DPP10: variants seen among roughly 807,000 people sequenced by gnomAD.
DPP10 encodes inactive dipeptidyl peptidase 10.
In DPP10, 33 loss-of-function variants were observed where a neutral mutation model predicts 120.9. The observed-to-expected ratio is 0.27, with a 90% CI of 0.21 to 0.37. The LOEUF is 0.37. Among genes scored for constraint, DPP10 ranks in the 10% least tolerant of loss-of-function variants. The probability of loss-of-function intolerance (pLI) is 1.00; values close to 1 mark genes in which losing one functional copy is unlikely to be tolerated. For synonymous variants in DPP10, 337 were observed against 326.1 expected (o/e 1.03, Z -0.36); for missense variants, 816 against 942.8 (o/e 0.87, Z 1.76).
intron 7 of DPP10, among the ~76,000 whole-genome samples, chr2:115,697,139 CAAAT>C (rs1181922899): frequency 4.6e-5 from 7 of 151,462 alleles, no homozygotes; most frequent in African/African-American, 1.5e-4. Context: ...AAATTAAACT[CAAAT>C]AAGACAGTAA....
intron 3 of DPP10, among the ~76,000 whole-genome samples, chr2:115,455,614 C>G (rs1308218196): frequency 6.6e-6 from 1 of 152,064 alleles, no homozygotes; most frequent in Non-Finnish European, 1.5e-5. Context: ...GGTACCAAAA[C>G]AGATATATAG....
intron 1 of DPP10, among the ~76,000 whole-genome samples, chr2:114,932,661 G>C (rs1047762036): frequency 9.2e-5 from 14 of 152,154 alleles, no homozygotes; most frequent in Admixed American, 9.2e-4. Context: ...ATGGGTGGCT[G>C]TATTGACTGG....
chr2:114,648,248 A>G (rs1573879275), intron 1 of DPP10, among the ~76,000 whole-genome samples: 1 of 152,200 alleles, frequency 6.6e-6, no homozygotes, highest in Admixed American at 6.5e-5. Flanking sequence ...GTTCTCCTTA[A>G]TAAAGTTCAT....
At chr2:115,232,365 A>G (rs566767991) in intron 1 of DPP10, among the ~76,000 whole-genome samples, 39 of 152,312 alleles carry the variant, frequency 2.6e-4, no homozygotes, top group African/African-American at 8.9e-4. Context: ...TATGATACAT[A>G]AAAGCTGGGT....
intron 19 of DPP10, among the ~76,000 whole-genome samples, chr2:115,803,833 A>T (rs1685570075): frequency 6.6e-6 from 1 of 152,096 alleles, no homozygotes; most frequent in African/African-American, 2.4e-5. Context: ...TTTGTGGGTA[A>T]CCCGACCTTT....
At chr2:115,550,412 G>T (rs775422118) in intron 5 of DPP10, among the ~76,000 whole-genome samples, 18 of 152,048 alleles carry the variant, frequency 1.2e-4, no homozygotes, top group Non-Finnish European at 2.4e-4. Flanking sequence ...CAGAATGACA[G>T]CTATAATGAA....
intron 5 of DPP10, among the ~76,000 whole-genome samples, chr2:115,687,649 A>G (rs1357974621): frequency 7.7e-6 from 1 of 129,966 alleles, no homozygotes; most frequent in African/African-American, 2.5e-5. Flanking sequence ...CAATATTGTT[A>G]TCAGGCTAAG....
intron 1 of DPP10, among the ~76,000 whole-genome samples, chr2:114,914,434 A>G (rs1694621398): frequency 6.6e-6 from 1 of 152,224 alleles, no homozygotes; most frequent in South Asian, 2.1e-4. Context: ...ATCCCAAACA[A>G]GAATTTTTTT....
At chr2:114,894,991 T>G (rs530762825) in intron 1 of DPP10, among the ~76,000 whole-genome samples, 89 of 150,130 alleles carry the variant, frequency 5.9e-4, no homozygotes, top group African/African-American at 2.1e-3. Context: ...AATATGACAG[T>G]TAGGCAAACT....
chr2:115,244,216 G>GTATATATATATATATA (rs377701662), intron 1 of DPP10, among the ~76,000 whole-genome samples: 4 of 119,848 alleles, frequency 3.3e-5, no homozygotes, highest in African/African-American at 9.9e-5. Flanking sequence ...ATATGTGTGT[G>GTATATATATATATATA]TATATATATA....
chr2:115,699,628 C>A (rs1417481172), intron 7 of DPP10, among the ~76,000 whole-genome samples: 1 of 152,084 alleles, frequency 6.6e-6, no homozygotes, highest in Non-Finnish European at 1.5e-5. Flanking sequence ...AACAAACAAA[C>A]CAATATTTCT....
intron 1 of DPP10, among the ~76,000 whole-genome samples, chr2:115,009,469 C>T (rs1390792883): frequency 1.3e-5 from 2 of 151,964 alleles, no homozygotes; most frequent in Admixed American, 6.6e-5. Flanking sequence ...GGGAGATATA[C>T]CTAATGCTAG....
At chr2:114,455,569 A>C (rs1299479139) in intron 1 of DPP10, among the ~76,000 whole-genome samples, 1 of 152,062 alleles carries the variant, frequency 6.6e-6, no homozygotes, top group South Asian at 2.1e-4. Flanking sequence ...ATGTAAATAC[A>C]GCTGTAGTTG....
chr2:114,662,331 G>A (rs1697479836), intron 1 of DPP10, among the ~76,000 whole-genome samples: 1 of 152,176 alleles, frequency 6.6e-6, no homozygotes, highest in South Asian at 2.1e-4. Flanking sequence ...CCTCCCTGCG[G>A]GGGCGCGGGC....
intron 5 of DPP10, 71 bp downstream of exon 5, chr2:115,526,043 C>A: frequency 7.5e-7 from 1 of 1,329,692 alleles, no homozygotes; most frequent in South Asian, 1.3e-5. Flanking sequence ...TAATTTTACT[C>A]AGCTATAACT....
chr2:115,377,464 A>G (rs2065901809), intron 3 of DPP10, among the ~76,000 whole-genome samples: 1 of 152,112 alleles, frequency 6.6e-6, no homozygotes, highest in South Asian at 2.1e-4. Flanking sequence ...CCTTTGTCAG[A>G]TGAGTAGATT....
At chr2:114,892,812 A>G (rs779418243) in intron 1 of DPP10, among the ~76,000 whole-genome samples, 4 of 152,172 alleles carry the variant, frequency 2.6e-5, no homozygotes, top group African/African-American at 7.2e-5. Context: ...TTATGTGGAC[A>G]AGCCTCTTTC....
chr2:115,028,777 C>T (rs75456967), intron 1 of DPP10, among the ~76,000 whole-genome samples: 312 of 152,204 alleles, frequency 2.0e-3, no homozygotes, highest in African/African-American at 7.2e-3. Context: ...AGTATATCCT[C>T]TATCTGAATT....
At chr2:114,730,574 G>GT (rs1164402716) in intron 1 of DPP10, among the ~76,000 whole-genome samples, 1 of 152,066 alleles carries the variant, frequency 6.6e-6, no homozygotes, top group Admixed American at 6.5e-5. Context: ...TTTGTTTTTT[G>GT]TTTTTTTGTT....
Sources: allele counts gnomAD v4.1 joint callset (sites outside exome capture counted in the v4.1 genomes callset), GRCh38; gene constraint gnomAD v4.1.1; transcripts MANE v1.5; gene names NCBI Gene and HGNC (gene_info 2026-07-23, HGNC 2026-07-21).